PRKN: variants seen among roughly 807,000 people sequenced by gnomAD.
PRKN encodes parkin RBR E3 ubiquitin protein ligase, also known as E3 ubiquitin-protein ligase parkin.
PRKN carries 56 observed loss-of-function variants against 59.5 expected under a neutral mutation model. The observed-to-expected ratio is 0.94, with a 90% CI of 0.76 to 1.18. The LOEUF is 1.18. Among genes scored for constraint, PRKN ranks in the 50% most tolerant of loss-of-function variants. The pLI is 0.00. For synonymous variants in PRKN, 250 were observed against 222.1 expected (o/e 1.13, Z -1.12); for missense variants, 657 against 596.4 (o/e 1.10, Z -1.06).
intron 7 of PRKN, among the ~76,000 whole-genome samples, chr6:161,580,069 A>G (rs1781277210): frequency 6.6e-6 from 1 of 152,256 alleles, no homozygotes; most frequent in Non-Finnish European, 1.5e-5. Flanking sequence ...GATTATGAAA[A>G]TAAAACAAAA....
At chr6:161,822,058 A>G (rs897980435) in intron 6 of PRKN, among the ~76,000 whole-genome samples, 1 of 152,008 alleles carries the variant, frequency 6.6e-6, no homozygotes, top group African/African-American at 2.4e-5. Flanking sequence ...TTGGCTATTG[A>G]CATTTCTATT....
At chr6:161,757,083 G>C (rs111283338) in intron 7 of PRKN, among the ~76,000 whole-genome samples, 2,999 of 152,186 alleles carry the variant, frequency 0.02, 69 homozygotes, top group South Asian at 0.071. Context: ...ATACACAAAA[G>C]ATAATTCAAA....
At chr6:162,718,887 TAAAAG>T (rs1353011366) in intron 1 of PRKN, among the ~76,000 whole-genome samples, 2 of 152,036 alleles carry the variant, frequency 1.3e-5, no homozygotes, top group African/African-American at 4.8e-5. Flanking sequence ...CAAGATGATA[TAAAAG>T]TCAATACCTA....
Position 162,589,264 on chromosome 6 carries a change from C to T in PRKN, c.7+138398G>A, listed in dbSNP as rs986712027. On this transcript the variant is annotated intron_variant, in intron 1 of 11. Transcript: ENST00000366898. The stretch of plus-strand genomic sequence containing the variant: ...AGATTTTAAAAATACCACCACTAGA[C>T]TTTTTTGCCTTTTTCTCCTTTGTTT... Among the ~76,000 whole-genome samples the T allele has an allele frequency of 2.6e-5, 4 of 152,126 alleles. No individual in the cohort carries two copies. In the East Asian group the frequency reaches 7.7e-4, roughly 29 times the overall value.
intron 5 of PRKN, among the ~76,000 whole-genome samples, chr6:161,994,211 T>C (rs1469437842): frequency 7.2e-6 from 1 of 139,370 alleles, no homozygotes; most frequent in Admixed American, 7.3e-5. Flanking sequence ...CACATCAAGA[T>C]AATGAAGGAC....
At chr6:161,760,290 G>A (rs942866067) in intron 7 of PRKN, among the ~76,000 whole-genome samples, 2 of 74,072 alleles carry the variant, frequency 2.7e-5, no homozygotes, top group Non-Finnish European at 5.9e-5. Flanking sequence ...CAGCCACAGC[G>A]CAACTCAACG....
chr6:161,349,932 G>C lies in PRKN; in HGVS notation c.*167C>G. On this transcript the variant is annotated 3_prime_UTR_variant, in exon 12 of 12. Coordinates refer to ENST00000366898, the MANE Select transcript of PRKN (RefSeq NM_004562.3). The surrounding 1 kb of genome is among the most constrained non-coding windows in gnomAD (Gnocchi z 5.5). Reference sequence around the variant, plus strand: ...TCATGGACATAGTGAAAGGGATCCAGGAGTTTCTTCTGCAATTTGGCTGTA... The same window carrying C: ...TCATGGACATAGTGAAAGGGATCCACGAGTTTCTTCTGCAATTTGGCTGTA... 3.0e-6 allele frequency: 2 copies of C among 668,196 alleles called. No homozygotes were observed. Among genetic ancestry groups the C allele is most frequent in the Non-Finnish European group, 5.5e-6 (2 of 364,080 alleles). The allele number at this position is 668,196 out of a possible 1,614,324, so 41.4% of individuals were successfully genotyped here.
chr6:161,973,164 T>A (rs1017710174), intron 6 of PRKN, 138 bp downstream of exon 6: 1 of 690,404 alleles, frequency 1.4e-6, no homozygotes, highest in African/African-American at 1.8e-5. Flanking sequence ...AAGCAGACAC[T>A]CCCCAGGAAA....
chr6:162,326,201 T>C (rs2128123311), intron 2 of PRKN, among the ~76,000 whole-genome samples: 1 of 152,230 alleles, frequency 6.6e-6, no homozygotes, highest in South Asian at 2.1e-4. Flanking sequence ...ACAAAAATAA[T>C]AGTTATGTTA....
Position 161,544,386 on chromosome 6 carries a change from T to C in PRKN, c.1083+4468A>G, listed in dbSNP as rs956026278. On this transcript the variant is annotated intron_variant, in intron 9 of 11. Transcript: ENST00000366898. This position sits in a 1 kb window ranked among gnomAD's most constrained non-coding sequence, Gnocchi z 5.5. ...CTTACGTATTTTTCAAAGAGCTCTT[T>C]GTTGGGGCAAGGTAAGCAGTTCTAA... Among the ~76,000 whole-genome samples, 6 of 152,196 alleles carry C rather than the reference T, an allele frequency of 3.9e-5. No individual in the cohort carries two copies. The highest frequency in any genetic ancestry group is 1.4e-4 in the African/African-American group (6 of 41,452).
chr6:162,120,134 C>T (rs1200005457), intron 4 of PRKN, among the ~76,000 whole-genome samples: 2 of 152,076 alleles, frequency 1.3e-5, no homozygotes, highest in African/African-American at 2.4e-5. Context: ...CCTCCCACAT[C>T]GACGAGTAAC....
At chr6:161,367,085 G>A (rs375323131) in intron 10 of PRKN, among the ~76,000 whole-genome samples, 4 of 148,920 alleles carry the variant, frequency 2.7e-5, no homozygotes, top group South Asian at 4.3e-4. Flanking sequence ...CCGCCTCCCG[G>A]GTTCACGCCA....
chr6:161,839,796 C>T (rs573458241), intron 6 of PRKN, among the ~76,000 whole-genome samples: 1 of 152,106 alleles, frequency 6.6e-6, no homozygotes, highest in African/African-American at 2.4e-5. Flanking sequence ...CAGGAACACA[C>T]GGAAAAAAGT....
chr6:161,360,048 A>T lies in PRKN; in HGVS notation c.1285+40T>A, dbSNP rs1240943397. On this transcript the variant is annotated intron_variant, in intron 11 of 11. Transcript: ENST00000366898. The surrounding 1 kb of genome is among the most constrained non-coding windows in gnomAD (Gnocchi z 5.1). ...TGATGGGTATGATTCTCCCCCAAAG[A>T]GCACACGACATCCTCATTCTCTGCT... 2 of 1,406,838 alleles carry T rather than the reference A, an allele frequency of 1.4e-6. No homozygotes were observed. The highest frequency in any genetic ancestry group is 2.0e-6 in the Non-Finnish European group (2 of 990,782). 87.1% of individuals were successfully genotyped at this position (1,406,838 alleles called of 1,614,324 possible).
intron 7 of PRKN, among the ~76,000 whole-genome samples, chr6:161,760,862 C>T (rs1240836373): frequency 6.6e-6 from 1 of 152,186 alleles, no homozygotes; most frequent in African/African-American, 2.4e-5. Context: ...AGCCTACACC[C>T]GCACATATCT....
chr6:161,389,948 G>A (rs1222929559), intron 9 of PRKN, among the ~76,000 whole-genome samples: 1 of 152,176 alleles, frequency 6.6e-6, no homozygotes, highest in African/African-American at 2.4e-5. Flanking sequence ...AGAAATAAGA[G>A]AAAGGGAAGA....
In PRKN at chr6:161,935,172, G is replaced by A. The variant is rs140089018; in HGVS notation, c.734+38130C>T. Among the ~76,000 whole-genome samples, 651 of 152,210 alleles carry A rather than the reference G, an allele frequency of 4.3e-3. 6 individuals carry two copies. The highest frequency in any genetic ancestry group is 4.7e-3 in the Non-Finnish European group (317 of 68,028). On this transcript the variant is annotated intron_variant, in intron 6 of 11. Transcript: ENST00000366898. ...AAAATGCATATTATAGAAAAACTAC[G>A]CATGGATTCCAATTTTTGTGCCAAA...
rs1779749106 is a variant in PRKN at position 161,545,099 on chromosome 6, C to G, written c.1083+3755G>C. ...TAGCTCCGAACAATTTTAAATCCCA[C>G]AAATGACAGAGAATTTGGTTTTCAA... On this transcript the variant is annotated intron_variant, in intron 9 of 11. Transcript: ENST00000366898. This position sits in a 1 kb window ranked among gnomAD's most constrained non-coding sequence, Gnocchi z 4.1. The G allele has an allele frequency of 1.7e-6, 2 of 1,204,344 alleles. No individual in the cohort carries two copies. The highest frequency in any genetic ancestry group is 4.4e-5 in the South Asian group (2 of 45,356). The allele number at this position is 1,204,344 out of a possible 1,614,324, so 74.6% of individuals were successfully genotyped here. A position where few individuals can be genotyped will look rare whatever the true frequency, so the allele number is the denominator to read the frequency against.
chr6:162,717,207 T>G (rs1562521784), intron 1 of PRKN, among the ~76,000 whole-genome samples: 1 of 152,042 alleles, frequency 6.6e-6, no homozygotes, highest in East Asian at 1.9e-4. Context: ...CCTCCAGAAG[T>G]GAAAGAGGAG....
Sources: allele counts gnomAD v4.1 joint callset (sites outside exome capture counted in the v4.1 genomes callset), GRCh38; gene constraint gnomAD v4.1.1; non-coding constraint Gnocchi (gnomAD v3.1); transcripts MANE v1.5; gene names NCBI Gene and HGNC (gene_info 2026-07-23, HGNC 2026-07-21).